The following GLOD4 variants were observed in gnomAD, a reference collection of about 807,000 sequenced individuals.
The protein encoded by GLOD4 is glyoxalase domain containing 4.
GLOD4 carries 44 observed loss-of-function variants against 39.1 expected under a neutral mutation model. That is an observed-to-expected ratio of 1.13 (90% CI 0.88 to 1.45). GLOD4 has a LOEUF of 1.45. Ranked by LOEUF, GLOD4 falls within the 40% of genes most tolerant of loss-of-function variation. GLOD4 has a pLI of 0.00. For synonymous variants in GLOD4, 145 were observed against 135.0 expected (o/e 1.07, Z -0.52); for missense variants, 405 against 366.4 (o/e 1.11, Z -0.86).
chr17:779,411 C>A (rs571035866), intron 1 of GLOD4, among the ~76,000 whole-genome samples: 1 of 148,120 alleles, frequency 6.8e-6, no homozygotes, highest in East Asian at 2.0e-4. Context: ...GGGCAGATCA[C>A]CTGAGGTCGG....
At chr17:781,517 T>C (rs1207067344) in intron 1 of GLOD4, among the ~76,000 whole-genome samples, 3 of 152,160 alleles carry the variant, frequency 2.0e-5, no homozygotes, top group Non-Finnish European at 2.9e-5. Context: ...TATTGCACCG[T>C]CTATACACTA....
chr17:769,787 C>T, intron 8 of GLOD4, 82 bp downstream of exon 8: 2 of 878,218 alleles, frequency 2.3e-6, no homozygotes, highest in Non-Finnish European at 3.9e-6. Context: ...AACCTGGACC[C>T]TGTTGCTTAG....
chr17:762,623 C>T (rs1905698978), intron 8 of GLOD4, among the ~76,000 whole-genome samples: 1 of 150,458 alleles, frequency 6.6e-6, no homozygotes, highest in Admixed American at 6.6e-5. Context: ...ACCATCCAGG[C>T]CCCTGCCTGC....
At chr17:777,603 C>G (rs1216774837) in intron 2 of GLOD4, 2 of 152,176 alleles carry the variant, frequency 1.3e-5, no homozygotes, top group Non-Finnish European at 2.9e-5. Context: ...GATAATGACC[C>G]CGCACTCCCA....
At chr17:770,243 C>T (rs753477278) in intron 6 of GLOD4, 86 bp from the exon 7 acceptor site, 2 of 781,056 alleles carry the variant, frequency 2.6e-6, no homozygotes, top group Non-Finnish European at 2.2e-6. Flanking sequence ...GTATCAGATA[C>T]CATAAAGAAC....
chr17:778,405 T>G, intron 2 of GLOD4: 1 of 520,444 alleles, frequency 1.9e-6, no homozygotes, highest in Non-Finnish European at 3.4e-6. Context: ...GTTAGAGAGC[T>G]GGAGAATCCC....
intron 8 of GLOD4, among the ~76,000 whole-genome samples, chr17:768,850 G>A (rs995868039): frequency 3.3e-5 from 5 of 149,490 alleles, no homozygotes; most frequent in Non-Finnish European, 5.9e-5. Context: ...GAGAAACAGC[G>A]CGCACTCAGA....
intron 8 of GLOD4, chr17:764,020 G>A (rs1906013822): frequency 6.6e-6 from 1 of 152,192 alleles, no homozygotes; most frequent in South Asian, 2.1e-4. Context: ...ACTCTCTTCG[G>A]TTGTGCATAT....
At chr17:782,713 G>A (rs1910199621), upstream of GLOD4, 1 of 1,574,008 alleles carries the variant, frequency 6.4e-7, no homozygotes, top group African/African-American at 1.4e-5. Context: ...TCTTGAGCCT[G>A]TCGAATGTTC....
intron 4 of GLOD4, among the ~76,000 whole-genome samples, chr17:771,932 G>A (rs1005942146): frequency 2.7e-5 from 4 of 148,270 alleles, no homozygotes; most frequent in African/African-American, 9.9e-5. Context: ...AGAATTGCTT[G>A]AACCTGGGAG....
At position 770,059 on chromosome 17, in the gene GLOD4, G is replaced by A; in HGVS notation, c.729C>T (p.Val243=). ...DTPGKATVQV[V]ILADPDGHEI... ...AAATACTTACAGGGTCGGCCAGAATGACCACCTGTACTGTTGCTTTCCCTG... is the reference window on the plus strand; with the variant it reads ...AAATACTTACAGGGTCGGCCAGAATAACCACCTGTACTGTTGCTTTCCCTG... The change falls in exon 7 of 9, where the codon GTC becomes GTT. Residue 243 remains valine (V), a synonymous_variant. Coordinates refer to ENST00000301329, the MANE Select transcript of GLOD4 (RefSeq NM_016080.4). 1 of 1,607,216 alleles carries A rather than the reference G, an allele frequency of 6.2e-7. No individual in the cohort carries two copies. Among genetic ancestry groups the A allele is most frequent in the Non-Finnish European group, 8.5e-7 (1 of 1,173,768 alleles).
At chr17:784,108 C>T (rs1910417476), upstream of GLOD4, among the ~76,000 whole-genome samples, 1 of 152,204 alleles carries the variant, frequency 6.6e-6, no homozygotes, top group Non-Finnish European at 1.5e-5. Flanking sequence ...TCTGACTTAA[C>T]CTTATGTAAC....
chr17:760,783 AT>A (rs1182085097), intron 8 of GLOD4, among the ~76,000 whole-genome samples: 1 of 152,172 alleles, frequency 6.6e-6, no homozygotes, highest in African/African-American at 2.4e-5. Flanking sequence ...TAGTTTGGGC[AT>A]CTTAATTAAA....
chr17:775,588 T>A (rs1908766137), intron 4 of GLOD4, among the ~76,000 whole-genome samples, 187 bp downstream of exon 4: 1 of 152,162 alleles, frequency 6.6e-6, no homozygotes, highest in African/African-American at 2.4e-5. Flanking sequence ...CTAGTCTAGA[T>A]CCCCTACTGC....
chr17:769,137 G>A (rs1010021548), intron 8 of GLOD4, among the ~76,000 whole-genome samples: 2 of 152,252 alleles, frequency 1.3e-5, no homozygotes, highest in Non-Finnish European at 2.9e-5. Context: ...GCAGAGCTGA[G>A]GGGATCAGAT....
At chr17:765,595 C>T (rs893221349) in intron 8 of GLOD4, among the ~76,000 whole-genome samples, 4 of 149,686 alleles carry the variant, frequency 2.7e-5, no homozygotes, top group African/African-American at 7.3e-5. Flanking sequence ...TTTGGGAGGC[C>T]GAGGAGGGTG....
intron 8 of GLOD4, among the ~76,000 whole-genome samples, chr17:762,506 G>A (rs1471385627): frequency 1.4e-5 from 2 of 144,450 alleles, no homozygotes; most frequent in African/African-American, 5.1e-5. Context: ...CCTACTCAGT[G>A]CGTGATCTTC....
upstream of GLOD4, chr17:782,325 C>G: frequency 6.2e-7 from 1 of 1,611,468 alleles, no homozygotes; most frequent in Non-Finnish European, 8.5e-7. Context: ...CGGGCCGTGA[C>G]GTCACTAGCC....
upstream of GLOD4, chr17:782,291 C>T (rs1179289107): frequency 1.9e-6 from 3 of 1,611,580 alleles, no homozygotes; most frequent in Admixed American, 1.7e-5. Context: ...GCGCACCGTA[C>T]AGCCCAGTCC....
Sources: gnomAD v4.1 joint callset for allele counts (sites outside exome capture counted in the v4.1 genomes callset) on GRCh38, gnomAD v4.1.1 for gene constraint, MANE v1.5 for transcripts, NCBI Gene and HGNC (gene_info 2026-07-23, HGNC 2026-07-21) for gene names.